Variants in CCDC150 observed in about 807,000 individuals in gnomAD.
The protein encoded by CCDC150 is coiled-coil domain-containing protein 150.
A neutral mutation model predicts 156.5 loss-of-function variants in CCDC150; 151 were observed. The ratio of observed to expected loss-of-function variants is 0.97; its 90% CI spans 0.85 to 1.10. CCDC150 has a LOEUF of 1.10. CCDC150 is among the 50% of genes least tolerant of loss of function. The pLI is 0.00. For missense variants in CCDC150, 1,312 were observed against 1,268.1 expected (o/e 1.03, Z -0.53); for synonymous variants, 452 against 429.4 (o/e 1.05, Z -0.65).
intron 5 of CCDC150, among the ~76,000 whole-genome samples, chr2:196,661,356 GC>G (rs1157468187): frequency 6.6e-6 from 1 of 152,146 alleles, no homozygotes; most frequent in Non-Finnish European, 1.5e-5. Context: ...TTCTTCTGAG[GC>G]CTTTCTCCTT....
Position 196,730,962 on chromosome 2 carries a change from G to A in CCDC150, c.3069+17G>A. ...TCAGAACAGGTGAGCCAGACCCACG[G>A]ACATAAAGACTTAGACGTTTCCTTC... On this transcript the variant is annotated intron_variant, in intron 26 of 27. Coordinates refer to ENST00000389175, the MANE Select transcript of CCDC150 (RefSeq NM_001080539.2). 6.4e-7 allele frequency: 1 copy of A among 1,573,348 alleles called. No individual in the cohort carries two copies. The highest frequency in any genetic ancestry group is 1.4e-5 in the African/African-American group (1 of 73,878).
chr2:196,669,283 G>C (rs1284890928), intron 7 of CCDC150, among the ~76,000 whole-genome samples: 1 of 152,134 alleles, frequency 6.6e-6, no homozygotes, highest in African/African-American at 2.4e-5. Flanking sequence ...GCTCCATGCT[G>C]TGTATTCCCT....
chr2:196,730,032 T>A lies in CCDC150; in HGVS notation c.2896T>A (p.Tyr966Asn), dbSNP rs765972479. ...KEMQMLAKSQ[Y>N]DASVRNKQQE... ...GATGCAGATGTTGGCTAAGAGCCAATATGATGCCTCAGTGCGGAATAAACA... is the reference window on the plus strand; with the variant it reads ...GATGCAGATGTTGGCTAAGAGCCAAAATGATGCCTCAGTGCGGAATAAACA... The change falls in exon 25 of 28, where the codon TAT (tyrosine) becomes AAT (asparagine). Residue 966 changes from tyrosine (Y) to asparagine (N), a missense_variant. Tyr to Asn is a moderately radical substitution (Grantham distance 143). Transcript: ENST00000389175. The A allele has an allele frequency of 1.4e-5, 22 of 1,613,660 alleles. No individual in the cohort carries two copies. Among genetic ancestry groups the A allele is most frequent in the Non-Finnish European group, 1.9e-5 (22 of 1,179,770 alleles).
intron 14 of CCDC150, among the ~76,000 whole-genome samples, chr2:196,700,068 T>TA (rs1452368087): frequency 6.6e-6 from 1 of 152,144 alleles, no homozygotes; most frequent in Non-Finnish European, 1.5e-5. Context: ...AAATTGAACA[T>TA]AAAACAAAAG....
intron 2 of CCDC150, among the ~76,000 whole-genome samples, chr2:196,654,238 C>G (rs1693051591): frequency 6.6e-6 from 1 of 152,068 alleles, no homozygotes; most frequent in Non-Finnish European, 1.5e-5. Flanking sequence ...TTGAGTTCAT[C>G]TTATTTGTTG....
chr2:196,646,224 C>T, intron 1 of CCDC150, 117 bp from the exon 2 acceptor site: 1 of 901,600 alleles, frequency 1.1e-6, no homozygotes, highest in East Asian at 2.4e-5. Flanking sequence ...AAGCAGAACA[C>T]ATCACCATTC....
chr2:196,717,054 TA>T (rs1043310087), intron 17 of CCDC150, among the ~76,000 whole-genome samples: 8 of 151,514 alleles, frequency 5.3e-5, no homozygotes, highest in South Asian at 2.1e-4. Context: ...ATTTTTATTT[TA>T]TTTTTTTGTA....
chr2:196,657,797 A>C (rs185324265), intron 4 of CCDC150, among the ~76,000 whole-genome samples: 40 of 152,304 alleles, frequency 2.6e-4, no homozygotes, highest in Middle Eastern at 6.8e-3. Context: ...GTAGGATATT[A>C]TTATCCCCAT....
At chr2:196,726,167 A>G in intron 22 of CCDC150, 68 bp downstream of exon 22, 1 of 1,565,992 alleles carries the variant, frequency 6.4e-7, no homozygotes, top group Non-Finnish European at 8.7e-7. Context: ...AGGATTTCAG[A>G]GAATGGCTAC....
intron 3 of CCDC150, 26 bp downstream of exon 3, chr2:196,656,879 T>C: frequency 6.2e-7 from 1 of 1,612,272 alleles, no homozygotes; most frequent in Non-Finnish European, 8.5e-7. Flanking sequence ...TCATCAGAAA[T>C]GTGGTCCTGT....
chr2:196,725,537 T>C (rs1249199097), intron 21 of CCDC150, among the ~76,000 whole-genome samples: 2 of 152,182 alleles, frequency 1.3e-5, no homozygotes. Flanking sequence ...AAGTAGTAAA[T>C]AGCTGCTAGC....
chr2:196,666,178 A>C (rs968058260), intron 6 of CCDC150, among the ~76,000 whole-genome samples: 11 of 152,216 alleles, frequency 7.2e-5, no homozygotes, highest in African/African-American at 2.7e-4. Context: ...TTATTTTAAC[A>C]TGATATTTTG....
At chr2:196,642,931 T>C (rs1289464017) in intron 1 of CCDC150, among the ~76,000 whole-genome samples, 1 of 152,032 alleles carries the variant, frequency 6.6e-6, no homozygotes, top group Non-Finnish European at 1.5e-5. Flanking sequence ...TGGAAGAGAA[T>C]AGGGTCCTGC....
At chr2:196,724,814 T>C (rs1043060555) in intron 21 of CCDC150, among the ~76,000 whole-genome samples, 7 of 152,232 alleles carry the variant, frequency 4.6e-5, no homozygotes, top group Non-Finnish European at 1.0e-4. Flanking sequence ...TTTTTGCTCA[T>C]TTTTCAGATT....
chr2:196,667,357 G>T (rs546346781), intron 7 of CCDC150: 61 of 162,438 alleles, frequency 3.8e-4, no homozygotes, highest in Non-Finnish European at 6.9e-4. Flanking sequence ...TTTTATAGAT[G>T]AGTCCTCAAA....
chr2:196,649,946 G>A (rs1692777373), intron 2 of CCDC150, among the ~76,000 whole-genome samples: 1 of 152,168 alleles, frequency 6.6e-6, no homozygotes, highest in South Asian at 2.1e-4. Flanking sequence ...TCAACAAAAA[G>A]AGACAATTTC....
chr2:196,708,259 A>G (rs1183881728), intron 15 of CCDC150, among the ~76,000 whole-genome samples: 1 of 152,178 alleles, frequency 6.6e-6, no homozygotes, highest in African/African-American at 2.4e-5. Context: ...ACCGTTATGT[A>G]ATGGCCTTCT....
rs1326830420 is a variant in CCDC150, at chr2:196,712,166, G to C, written c.1717G>C (p.Glu573Gln). 6.4e-7 allele frequency: 1 copy of C among 1,564,708 alleles called. No homozygotes were observed. The highest frequency in any genetic ancestry group is 1.8e-5 in the Admixed American group (1 of 54,958). ...KLQIKVKQLE[E>Q]QVQSFTDTSL... ...CTAGATAAAAGTTAAACAGCTAGAA[G>C]AACAAGTACAGTCTTTTACTGACAC... The change falls in exon 16 of 28, where the codon GAA becomes CAA. Residue 573 changes from glutamate (E) to glutamine (Q), a missense_variant. Coordinates refer to ENST00000389175, the MANE Select transcript of CCDC150 (RefSeq NM_001080539.2).
chr2:196,676,693 A>G lies in CCDC150; in HGVS notation c.1402A>G (p.Lys468Glu), dbSNP rs746034163. Reference sequence around the variant, plus strand: ...ATTGGAAGCATCAATGCAAGAGAAGAAGTCTCTGCTAGAGGAGAAAGAAAG... The same window carrying G: ...ATTGGAAGCATCAATGCAAGAGAAGGAGTCTCTGCTAGAGGAGAAAGAAAG... ...GELEASMQEK[K>E]SLLEEKERFQ... The change falls in exon 12 of 28, where the codon AAG becomes GAG. Residue 468 changes from lysine (K) to glutamate (E), a missense_variant. Coordinates refer to ENST00000389175, the MANE Select transcript of CCDC150 (RefSeq NM_001080539.2). The G allele has an allele frequency of 6.2e-7, 1 of 1,613,760 alleles. No homozygotes were observed. Among genetic ancestry groups the G allele is most frequent in the Non-Finnish European group, 8.5e-7 (1 of 1,179,690 alleles).
Sources: gnomAD v4.1 joint callset for allele counts (sites outside exome capture counted in the v4.1 genomes callset) on GRCh38, gnomAD v4.1.1 for gene constraint, MANE v1.5 for transcripts, NCBI Gene and HGNC (gene_info 2026-07-23, HGNC 2026-07-21) for gene names.